Variants in RMP64 observed in about 807,000 individuals in gnomAD.
RMP64 encodes ribonuclease MRP subunit p64.
At chr3:113,005,883 T>G in the RMP64 span, 1 of 1,613,808 alleles carries the variant, frequency 6.2e-7, no homozygotes. Flanking sequence ...TTCCTTTGTC[T>G]CCGTAAAAAT....
chr3:113,011,472 T>C, the RMP64 span: 4 of 1,388,838 alleles, frequency 2.9e-6, no homozygotes, highest in Non-Finnish European at 3.9e-6. Context: ...CATAATAAAC[T>C]GCAAGATTGA....
the RMP64 span, chr3:113,010,382 TAAC>T: frequency 4.5e-6 from 2 of 444,524 alleles, no homozygotes; most frequent in Non-Finnish European, 8.0e-6. Context: ...AATCCATACT[TAAC>T]AACAGATCTT....
chr3:113,017,933 CTT>C, the RMP64 span, among the ~76,000 whole-genome samples: 1 of 152,212 alleles, frequency 6.6e-6, no homozygotes, highest in Non-Finnish European at 1.5e-5. Context: ...CATGTGTACA[CTT>C]AACCCCCACC....
At chr3:113,010,548 G>C in the RMP64 span, 1 of 1,014,648 alleles carries the variant, frequency 9.9e-7, no homozygotes, top group Admixed American at 1.9e-5. Context: ...TAGAGCTGGG[G>C]ATAAAATGAA....
At chr3:113,005,772 A>G in the RMP64 span, 64,788 of 1,613,610 alleles carry the variant, frequency 0.04, 1,594 homozygotes, top group African/African-American at 0.11. Context: ...GTACAGTGTG[A>G]GAGTCTCCAC....
chr3:113,019,574 G>A, the RMP64 span: 2 of 1,613,816 alleles, frequency 1.2e-6, no homozygotes, highest in South Asian at 1.1e-5. Context: ...CACTGTCACT[G>A]CGCTGCGGTT....
the RMP64 span, among the ~76,000 whole-genome samples, chr3:113,017,187 A>G: frequency 6.6e-6 from 1 of 152,184 alleles, no homozygotes; most frequent in Admixed American, 6.5e-5. Flanking sequence ...AATGAAGAAA[A>G]TGTTTACTTG....
the RMP64 span, chr3:113,013,268 A>G: frequency 6.2e-7 from 1 of 1,612,712 alleles, no homozygotes; most frequent in Non-Finnish European, 8.5e-7. Context: ...ATATTCAAGG[A>G]TACAGAAAAG....
the RMP64 span, among the ~76,000 whole-genome samples, chr3:113,007,278 A>G: frequency 6.6e-6 from 1 of 152,202 alleles, no homozygotes; most frequent in Non-Finnish European, 1.5e-5. Flanking sequence ...TTTAATCAAA[A>G]TGTGTTACAA....
chr3:113,012,341 G>C, the RMP64 span, among the ~76,000 whole-genome samples: 1 of 152,286 alleles, frequency 6.6e-6, no homozygotes, highest in East Asian at 1.9e-4. Flanking sequence ...ATTTTAAACG[G>C]CCTGTTGCAA....
At chr3:113,014,633 A>G in the RMP64 span, 126,309 of 152,012 alleles carry the variant, frequency 0.83, 52,671 homozygotes, top group African/African-American at 0.87. Context: ...GATTACAGGC[A>G]TGAGCCACCG....
the RMP64 span, chr3:113,012,804 C>G: frequency 7.5e-6 from 12 of 1,596,724 alleles, no homozygotes; most frequent in Non-Finnish European, 1.0e-5. Context: ...AGATGTTTCA[C>G]AGTCAAACTG....
chr3:113,019,604 A>ACACGGTTC, the RMP64 span: 50 of 1,612,912 alleles, frequency 3.1e-5, no homozygotes, highest in Non-Finnish European at 4.2e-5. Context: ...AGGGATTCTC[A>ACACGGTTC]CACGGTTCCA....
At chr3:113,017,588 C>T in the RMP64 span, 4 of 1,614,028 alleles carry the variant, frequency 2.5e-6, no homozygotes, top group Admixed American at 6.7e-5. Flanking sequence ...TTAATTACAG[C>T]TGCAATGCAA....
chr3:113,007,191 T>TTA, the RMP64 span, among the ~76,000 whole-genome samples: 1 of 152,140 alleles, frequency 6.6e-6, no homozygotes, highest in Non-Finnish European at 1.5e-5. Flanking sequence ...TTACAGACCT[T>TTA]TAGAGGAGCC....
At chr3:113,009,355 C>A in the RMP64 span, 1 of 151,782 alleles carries the variant, frequency 6.6e-6, no homozygotes, top group Non-Finnish European at 1.5e-5. Flanking sequence ...AAAGTAATGA[C>A]CCAGGTCAAT....
chr3:113,010,813 G>A, the RMP64 span: 1 of 966,938 alleles, frequency 1.0e-6, no homozygotes, highest in South Asian at 1.5e-5. Context: ...ACAAAATAAA[G>A]GAATAAAGCA....
the RMP64 span, among the ~76,000 whole-genome samples, chr3:113,018,055 C>G: frequency 1.3e-5 from 2 of 152,176 alleles, no homozygotes; most frequent in Admixed American, 1.3e-4. Flanking sequence ...AAAATCAAGG[C>G]TTCTGTGTTT....
the RMP64 span, chr3:113,005,594 G>A: frequency 6.2e-7 from 1 of 1,613,800 alleles, no homozygotes; most frequent in African/African-American, 1.3e-5. Context: ...AATGGTTCCT[G>A]ATGTACTGTT....
Sources: gnomAD v4.1 joint callset for allele counts (sites outside exome capture counted in the v4.1 genomes callset) on GRCh38, gnomAD v4.1.1 for gene constraint, MANE v1.5 for transcripts, NCBI Gene and HGNC (gene_info 2026-07-23, HGNC 2026-07-21) for gene names.